Variants in P2RY6 observed in about 807,000 individuals in gnomAD.
P2RY6 encodes the protein pyrimidinergic receptor P2Y6.
A neutral mutation model predicts 16.3 loss-of-function variants in P2RY6; 19 were observed. That is an observed-to-expected ratio of 1.16 (90% CI 0.81 to 1.71). The LOEUF (loss-of-function observed/expected upper bound fraction) is 1.71. Among genes scored for constraint, P2RY6 ranks in the 40% most tolerant of loss-of-function variants. The pLI, the probability that P2RY6 is intolerant of heterozygous loss-of-function variation, is 0.00. For synonymous variants in P2RY6, 184 were observed against 201.5 expected, an observed-to-expected ratio of 0.91 and a Z score of 0.74; for missense variants, 389 against 455.5, an observed-to-expected ratio of 0.85 and a Z score of 1.33.
At chr11:73,286,574 T>TAAAAA (rs34923291) in intron 1 of P2RY6, among the ~76,000 whole-genome samples, 1 of 137,408 alleles carries the variant, frequency 7.3e-6, no homozygotes, top group Non-Finnish European at 1.6e-5. Context: ...GACAAAGATT[T>TAAAAA]AAAAAAAAAA....
At chr11:73,277,481 G>T (rs2135706716) in intron 1 of P2RY6, among the ~76,000 whole-genome samples, 1 of 152,314 alleles carries the variant, frequency 6.6e-6, no homozygotes, top group East Asian at 1.9e-4. Context: ...ACATTTCCAA[G>T]CCAATGAGTT....
At chr11:73,279,037 G>A (rs979780663) in intron 1 of P2RY6, among the ~76,000 whole-genome samples, 1 of 149,148 alleles carries the variant, frequency 6.7e-6, no homozygotes, top group African/African-American at 2.5e-5. Flanking sequence ...TATTTCCTAG[G>A]TTGGCCTTTT....
At chr11:73,289,736 G>C (rs1434136114) in intron 1 of P2RY6, among the ~76,000 whole-genome samples, 1 of 152,190 alleles carries the variant, frequency 6.6e-6, no homozygotes. Context: ...CGATTTTGGG[G>C]GGAACAATGG....
Position 73,297,585 on chromosome 11 carries a change from G to C in P2RY6, c.*80G>C. 1 of 1,101,948 alleles carries C rather than the reference G, an allele frequency of 9.1e-7. No homozygotes were observed. The highest frequency in any genetic ancestry group is 1.3e-6 in the Non-Finnish European group (1 of 755,574). 68.3% of individuals were successfully genotyped at this position (1,101,948 alleles called of 1,614,324 possible). On this transcript the variant is annotated 3_prime_UTR_variant, in exon 3 of 3. Transcript: ENST00000540124. ...AGCCCCACCAACCCCAAACCATGCG[G>C]AGAATTAGAGTTCAGCTCAGCTGGG...
In P2RY6 at chr11:73,297,500, C is replaced by A; in HGVS notation, c.982C>A (p.Arg328Ser). The change falls in exon 3 of 3, where the codon CGC becomes AGC. Residue 328 changes from arginine to serine, a missense_variant. Physicochemically the swap from Arg to Ser is moderately radical, Grantham distance 110 (BLOSUM62 -1). Transcript: ENST00000540124. ...KLTAKWQRQGR is the reference protein window; with the variant it reads ...KLTAKWQRQGS ...CACAGCCAAATGGCAGAGGCAGGGTCGCTGAGTCCTCCAGGTCCTGGGCAG... is the reference window on the plus strand; with the variant it reads ...CACAGCCAAATGGCAGAGGCAGGGTAGCTGAGTCCTCCAGGTCCTGGGCAG... 3 of 1,605,004 alleles carry A rather than the reference C, an allele frequency of 1.9e-6. No homozygotes were observed. The highest frequency in any genetic ancestry group is 1.7e-6 in the Non-Finnish European group (2 of 1,173,378).
intron 1 of P2RY6, among the ~76,000 whole-genome samples, chr11:73,290,009 G>T (rs1864135482): frequency 6.6e-6 from 1 of 152,128 alleles, no homozygotes; most frequent in South Asian, 2.1e-4. Context: ...ATCACCTGAG[G>T]TCGGGAGTTA....
At chr11:73,279,610 T>G (rs1172153075) in intron 1 of P2RY6, among the ~76,000 whole-genome samples, 3 of 152,236 alleles carry the variant, frequency 2.0e-5, no homozygotes, top group Non-Finnish European at 2.9e-5. Flanking sequence ...GGTTCCTACA[T>G]TCTCACTCAA....
rs538747147 is a variant in P2RY6, at chr11:73,296,682, G to A, written c.164G>A (p.Arg55His). The part of the protein sequence containing the change: ...ICVITQICTS[R>H]RALTRTAVYT... ...GTCATTACCCAGATCTGCACGTCCC[G>A]CCGGGCCCTGACCCGCACGGCCGTG... The change falls in exon 3 of 3, where the codon CGC becomes CAC. Residue 55 changes from arginine (R) to histidine (H), a missense_variant. Arg to His is a conservative substitution (Grantham distance 29, BLOSUM62 0). Coordinates refer to ENST00000540124, the MANE Select transcript of P2RY6 (RefSeq NM_001277204.2). The A allele has an allele frequency of 1.7e-5, 28 of 1,614,070 alleles. No individual in the cohort carries two copies. The highest frequency in any genetic ancestry group is 1.1e-4 in the African/African-American group (8 of 75,046).
chr11:73,297,721 C>T lies in P2RY6; in HGVS notation c.*216C>T, dbSNP rs939675557. The T allele has an allele frequency of 6.0e-5, 35 of 586,142 alleles. No homozygotes were observed. The highest frequency in any genetic ancestry group is 9.0e-5 in the Non-Finnish European group (29 of 321,768). The allele number at this position is 586,142 out of a possible 1,614,324, so 36.3% of individuals were successfully genotyped here. A position where few individuals can be genotyped will look rare whatever the true frequency, so the allele number is the denominator to read the frequency against. On this transcript the variant is annotated 3_prime_UTR_variant, in exon 3 of 3. Coordinates refer to ENST00000540124, the MANE Select transcript of P2RY6 (RefSeq NM_001277204.2). ...TGGAGATGGACAGACCTGGGCCTGG[C>T]TCTTGAGAGGTCCCAGTCAGCCATG...
chr11:73,291,537 T>G (rs1249237186), intron 1 of P2RY6, among the ~76,000 whole-genome samples: 1 of 152,230 alleles, frequency 6.6e-6, no homozygotes, highest in Non-Finnish European at 1.5e-5. Flanking sequence ...GAGCAAGCAC[T>G]AGGTGCTCAA....
chr11:73,285,606 C>G (rs1334454924), intron 1 of P2RY6, among the ~76,000 whole-genome samples: 1 of 152,222 alleles, frequency 6.6e-6, no homozygotes, highest in Non-Finnish European at 1.5e-5. Context: ...TGGAAGATCA[C>G]TGACGGATTG....
chr11:73,281,733 T>C (rs1423572401), intron 1 of P2RY6, among the ~76,000 whole-genome samples: 1 of 152,236 alleles, frequency 6.6e-6, no homozygotes, highest in Non-Finnish European at 1.5e-5. Context: ...CATGTCCAGA[T>C]GACTGTGCTA....
chr11:73,271,827 G>A (rs1448731330), upstream of P2RY6: 1 of 152,034 alleles, frequency 6.6e-6, no homozygotes, highest in Non-Finnish European at 1.5e-5. Flanking sequence ...CTCATCCCTG[G>A]GTGGGAGTTG....
At chr11:73,276,599 G>A (rs1302072473) in intron 1 of P2RY6, among the ~76,000 whole-genome samples, 1 of 152,174 alleles carries the variant, frequency 6.6e-6, no homozygotes, top group African/African-American at 2.4e-5. Flanking sequence ...AGTAAAATAA[G>A]TCAGACACAA....
chr11:73,279,110 C>T (rs776689658), intron 1 of P2RY6, among the ~76,000 whole-genome samples: 1 of 150,826 alleles, frequency 6.6e-6, no homozygotes, highest in South Asian at 2.1e-4. Flanking sequence ...TTTTAATTTG[C>T]ATTCCCTATT....
chr11:73,285,135 A>T (rs1365542889), intron 1 of P2RY6, among the ~76,000 whole-genome samples: 1 of 152,156 alleles, frequency 6.6e-6, no homozygotes, highest in Non-Finnish European at 1.5e-5. Context: ...CAGTGGTGTG[A>T]TCATAGCTCA....
chr11:73,290,362 A>AGAAG (rs879875338), intron 1 of P2RY6, among the ~76,000 whole-genome samples: 5 of 105,666 alleles, frequency 4.7e-5, no homozygotes, highest in South Asian at 5.0e-4. Context: ...AAAGAAAGAA[A>AGAAG]GAAGGAAAGA....
upstream of P2RY6, among the ~76,000 whole-genome samples, chr11:73,268,736 A>T (rs1404265178): frequency 1.3e-5 from 2 of 152,240 alleles, no homozygotes; most frequent in Non-Finnish European, 2.9e-5. Flanking sequence ...CAGAGGGACC[A>T]CATCTCCTCC....
chr11:73,273,744 C>G (rs1057086874), intron 1 of P2RY6, among the ~76,000 whole-genome samples: 1 of 152,186 alleles, frequency 6.6e-6, no homozygotes, highest in Non-Finnish European at 1.5e-5. Context: ...GCTTGCCTGG[C>G]TTCTCTGTGC....
Sources: gnomAD v4.1 joint callset for allele counts (sites outside exome capture counted in the v4.1 genomes callset) on GRCh38, gnomAD v4.1.1 for gene constraint, MANE v1.5 for transcripts, NCBI Gene and HGNC (gene_info 2026-07-23, HGNC 2026-07-21) for gene names.